Variants in ANKRD11 observed in about 807,000 individuals in gnomAD.
The protein encoded by ANKRD11 is ankyrin repeat domain-containing protein 11.
In ANKRD11, 17 loss-of-function variants were observed where a neutral mutation model predicts 195.7. The observed-to-expected ratio is 0.09, with a 90% CI of 0.06 to 0.13. The LOEUF is 0.13. Ranked by LOEUF, ANKRD11 falls within the 10% of genes least tolerant of loss-of-function variation. The pLI is 1.00. For missense variants in ANKRD11, 3,735 were observed against 3,566.1 expected, an observed-to-expected ratio of 1.05 and a Z score of -1.21; for synonymous variants, 1,953 against 1,528.1, an observed-to-expected ratio of 1.28 and a Z score of -6.49.
At chr16:89,275,983 C>T (rs759958179) in intron 9 of ANKRD11, among the ~76,000 whole-genome samples, 3 of 152,170 alleles carry the variant, frequency 2.0e-5, no homozygotes, top group Admixed American at 1.3e-4. Context: ...AAAGCATGGC[C>T]GTGTGCTCGG....
Position 89,467,734 on chromosome 16 carries a change from T to C in ANKRD11, c.-145+22511A>G, listed in dbSNP as rs1317438389. On this transcript the variant is annotated intron_variant, in intron 1 of 12. Transcript: ENST00000301030. ...TGTTGTGAATCTAATCAAGATACCG[T>C]AAGACATACTGCATATGTTTTTAAA... Among the ~76,000 whole-genome samples the C allele has an allele frequency of 2.6e-5, 4 of 152,156 alleles. No homozygotes were observed. The South Asian group carries it at 8.3e-4, about 32-fold the overall frequency.
At chr16:89,289,812 G>A (rs552215979) in intron 6 of ANKRD11, among the ~76,000 whole-genome samples, 9 of 152,320 alleles carry the variant, frequency 5.9e-5, no homozygotes, top group South Asian at 2.1e-4. Context: ...AAGCCAAGGC[G>A]TGAGGACTGC....
intron 1 of ANKRD11, among the ~76,000 whole-genome samples, chr16:89,482,029 C>T (rs1457250875): frequency 6.6e-6 from 1 of 152,130 alleles, no homozygotes; most frequent in Non-Finnish European, 1.5e-5. Flanking sequence ...TTAATGCAAG[C>T]TTTAGTCAAC....
intron 2 of ANKRD11, among the ~76,000 whole-genome samples, chr16:89,351,950 G>A (rs536630668): frequency 2.0e-5 from 3 of 152,186 alleles, no homozygotes; most frequent in East Asian, 1.9e-4. Context: ...TCACTCTGTC[G>A]CCCAGGATGG....
intron 4 of ANKRD11, chr16:89,301,529 T>A: frequency 5.0e-6 from 2 of 398,732 alleles, no homozygotes; most frequent in East Asian, 7.1e-5. Flanking sequence ...GAGGGCTCGG[T>A]GGGCAGAGCT....
intron 4 of ANKRD11, chr16:89,298,077 C>A (rs1044117141): frequency 6.6e-6 from 1 of 152,210 alleles, no homozygotes. Flanking sequence ...CCACAGGAAG[C>A]CTGTGGAGGC....
At chr16:89,318,365 C>G (rs1236391589) in intron 2 of ANKRD11, among the ~76,000 whole-genome samples, 2 of 152,234 alleles carry the variant, frequency 1.3e-5, no homozygotes, top group African/African-American at 4.8e-5. Context: ...CACTGTCCCC[C>G]CATCATGTCC....
At chr16:89,278,190 G>T in intron 9 of ANKRD11, 1 of 307,906 alleles carries the variant, frequency 3.2e-6, no homozygotes, top group South Asian at 2.7e-5. Context: ...GACCCTGGGG[G>T]GCCTGAGAAC....
intron 2 of ANKRD11, among the ~76,000 whole-genome samples, chr16:89,350,927 C>T (rs545389036): frequency 6.6e-6 from 1 of 152,306 alleles, no homozygotes; most frequent in African/African-American, 2.4e-5. Flanking sequence ...AGCAGGGTGA[C>T]TCAGCAACAG....
chr16:89,397,723 A>T (rs1263971655), intron 2 of ANKRD11, among the ~76,000 whole-genome samples: 2 of 152,232 alleles, frequency 1.3e-5, no homozygotes, highest in African/African-American at 4.8e-5. Flanking sequence ...GAATGTCAAG[A>T]TGAAGATGAT....
intron 2 of ANKRD11, among the ~76,000 whole-genome samples, chr16:89,378,274 T>C (rs1034081512): frequency 3.3e-5 from 5 of 152,142 alleles, no homozygotes; most frequent in Non-Finnish European, 7.3e-5. Context: ...AAGGCACTGG[T>C]CAACAAAATT....
rs529396228 is a variant in ANKRD11 at position 89,446,629 on chromosome 16, C to A, written c.-144-28261G>T. 5.3e-5 allele frequency among the ~76,000 whole-genome samples: 8 copies of A among 152,160 alleles called. No homozygotes were observed. In the East Asian group the frequency reaches 1.5e-3, roughly 29 times the overall value. ...AAACAAAAACAAAAACCAAAAAAAA[C>A]CCACAGACTCAATTCTGGCTGCCAG... On this transcript the variant is annotated intron_variant, in intron 1 of 12. Transcript: ENST00000301030.
chr16:89,283,822 T>G lies in ANKRD11; in HGVS notation c.2720A>C (p.Lys907Thr). Residue 907 changes from lysine (K) to threonine (T), a missense_variant, in exon 9 of 13, where the codon AAG becomes ACG. By Grantham distance (78) the Lys-to-Thr change is moderately conservative. Transcript: ENST00000301030. This position sits in a 1 kb window ranked among gnomAD's most constrained non-coding sequence, Gnocchi z 4.3. ...KRDYREPFFR[K>T]KDRDYLDKNS... ...TTTATCCAAATAGTCCCTGTCCTTC[T>G]TTCGGAAGAAGGGCTCTCTGTAGTC... 6.2e-7 allele frequency: 1 copy of G among 1,614,210 alleles called. No homozygotes were observed. Among genetic ancestry groups the G allele is most frequent in the Non-Finnish European group, 8.5e-7 (1 of 1,180,046 alleles).
intron 2 of ANKRD11, among the ~76,000 whole-genome samples, chr16:89,352,192 T>C (rs1336203951): frequency 6.6e-6 from 1 of 151,896 alleles, no homozygotes; most frequent in Non-Finnish European, 1.5e-5. Context: ...ACCTGGCCGA[T>C]TATCTTCTTT....
rs377540121 is a variant in ANKRD11, at chr16:89,397,490, G to A, written c.-60+20794C>T. Among the ~76,000 whole-genome samples the A allele has an allele frequency of 1.1e-4, 16 of 152,336 alleles. No homozygotes were observed. In the East Asian group the frequency reaches 1.7e-3, roughly 17 times the overall value. On this transcript the variant is annotated intron_variant, in intron 2 of 12. Coordinates refer to ENST00000301030, the MANE Select transcript of ANKRD11 (RefSeq NM_013275.6). ...ACAGGAAGCAGGCCTTCCCCGTGGC[G>A]GGCCTTGCTGCTATCCGCGCTCCTT...
Position 89,281,308 on chromosome 16 carries a change from G to A in ANKRD11, c.5234C>T (p.Ser1745Phe), listed in dbSNP as rs769299642. The A allele has an allele frequency of 1.4e-5, 22 of 1,613,968 alleles. No individual in the cohort carries two copies. Among genetic ancestry groups the A allele is most frequent in the Non-Finnish European group, 1.7e-5 (20 of 1,179,964 alleles). The change falls in exon 9 of 13, where the codon TCC (serine) becomes TTC (phenylalanine). Residue 1745 changes from serine to phenylalanine, a missense_variant. Ser to Phe is a radical substitution (Grantham distance 155). Coordinates refer to ENST00000301030, the MANE Select transcript of ANKRD11 (RefSeq NM_013275.6). This position sits in a 1 kb window ranked among gnomAD's most constrained non-coding sequence, Gnocchi z 5.5. ...GGTGGGAGCGGTGGGCACGGGCGTG[G>A]AGTGCTGCGAGTCGGCGCAGTCGAA... Reference protein sequence around the residue: ...LVFDCADSQHSTPVPTAPTSA... With the variant: ...LVFDCADSQHFTPVPTAPTSA...
intron 3 of ANKRD11, among the ~76,000 whole-genome samples, chr16:89,312,155 C>T (rs1567625341): frequency 6.6e-6 from 1 of 152,204 alleles, no homozygotes; most frequent in Non-Finnish European, 1.5e-5. Flanking sequence ...GCCTCGGCCT[C>T]CCAAAGTGCT....
rs760933701 is a variant in ANKRD11, at chr16:89,279,557, C to G, written c.6985G>C (p.Val2329Leu). The change falls in exon 9 of 13, where the codon GTG becomes CTG. Residue 2329 changes from valine to leucine, a missense_variant. Transcript: ENST00000301030. This position sits in a 1 kb window ranked among gnomAD's most constrained non-coding sequence, Gnocchi z 5.6. ...GTCATGCGCTGAGGGATCTCCTCCA[C>G]TCGGGGGGCCTTCGGGGCTTCGGCC... ...PTAEAPKAPR[V>L]EEIPQRMTRN... is the part of the protein sequence containing the mutation. 3.5e-6 allele frequency: 5 copies of G among 1,431,038 alleles called. No individual in the cohort carries two copies. The Admixed American group carries it at 1.1e-4, about 31-fold the overall frequency. 88.6% of individuals were successfully genotyped at this position (1,431,038 alleles called of 1,614,324 possible).
intron 2 of ANKRD11, among the ~76,000 whole-genome samples, chr16:89,404,301 C>T (rs899579800): frequency 3.9e-5 from 6 of 152,130 alleles, no homozygotes; most frequent in Admixed American, 2.6e-4. Context: ...ACTCTGAGAA[C>T]ATCAACATCT....
Sources: allele counts gnomAD v4.1 joint callset (sites outside exome capture counted in the v4.1 genomes callset), GRCh38; gene constraint gnomAD v4.1.1; non-coding constraint Gnocchi (gnomAD v3.1); transcripts MANE v1.5; gene names NCBI Gene and HGNC (gene_info 2026-07-23, HGNC 2026-07-21).